Variants in FHIT observed in about 807,000 individuals in gnomAD.
The protein encoded by FHIT is fragile histidine triad diadenosine triphosphatase.
FHIT carries 19 observed loss-of-function variants against 17.9 expected under a neutral mutation model. The ratio of observed to expected loss-of-function variants is 1.06; its 90% CI spans 0.74 to 1.56. The LOEUF (loss-of-function observed/expected upper bound fraction) is 1.56. Ranked by LOEUF, FHIT falls within the 40% of genes most tolerant of loss-of-function variation. FHIT has a pLI of 0.00. For synonymous variants in FHIT, 81 were observed against 69.7 expected, an observed-to-expected ratio of 1.16 and a Z score of -0.81; for missense variants, 248 against 189.2, an observed-to-expected ratio of 1.31 and a Z score of -1.82.
At chr3:60,079,208 A>G (rs994863768) in intron 5 of FHIT, among the ~76,000 whole-genome samples, 3 of 152,092 alleles carry the variant, frequency 2.0e-5, no homozygotes, top group African/African-American at 7.2e-5. Context: ...TACTGTCTGA[A>G]AGCAGTTTGG....
chr3:61,043,217 G>A (rs1460766701), intron 2 of FHIT, among the ~76,000 whole-genome samples: 1 of 152,144 alleles, frequency 6.6e-6, no homozygotes, highest in Non-Finnish European at 1.5e-5. Flanking sequence ...GGGAAGCTGT[G>A]ACAAATGGTA....
rs185996041 is a variant in FHIT at position 61,134,593 on chromosome 3, A to G, written c.-164+66024T>C. ...GGGCAGAGTCCTAGAAGTATCAAGA[A>G]GACAGAAAATTTTAGGGTTGTCATG... On this transcript the variant is annotated intron_variant, in intron 2 of 9. Coordinates refer to ENST00000492590, the MANE Select transcript of FHIT (RefSeq NM_002012.4). Among the ~76,000 whole-genome samples the G allele has an allele frequency of 4.6e-5, 7 of 152,310 alleles. No individual in the cohort carries two copies. The East Asian group carries it at 1.4e-3, about 29-fold the overall frequency.
chr3:60,162,776 T>C (rs948506644), intron 5 of FHIT, among the ~76,000 whole-genome samples: 5 of 152,182 alleles, frequency 3.3e-5, no homozygotes, highest in African/African-American at 9.6e-5. Flanking sequence ...CTCCTACCTA[T>C]AAACTTCTAA....
chr3:61,041,924 A>G (rs2033537059), intron 3 of FHIT, 123 bp downstream of exon 3: 1 of 152,238 alleles, frequency 6.6e-6, no homozygotes, highest in South Asian at 2.1e-4. Flanking sequence ...TGTTTACCAA[A>G]AATTCATATA....
At chr3:60,773,400 A>C (rs1700112156) in intron 4 of FHIT, among the ~76,000 whole-genome samples, 1 of 152,208 alleles carries the variant, frequency 6.6e-6, no homozygotes, top group Admixed American at 6.5e-5. Context: ...GATACCCGTC[A>C]ATGCAATTTT....
chr3:60,469,853 G>C (rs140899592), intron 5 of FHIT, among the ~76,000 whole-genome samples: 1 of 152,096 alleles, frequency 6.6e-6, no homozygotes, highest in African/African-American at 2.4e-5. Flanking sequence ...CACTTTACCC[G>C]TTTCTACTTT....
chr3:60,717,282 G>A (rs902971515), intron 4 of FHIT, among the ~76,000 whole-genome samples: 21 of 151,906 alleles, frequency 1.4e-4, no homozygotes, highest in Admixed American at 1.4e-3. Context: ...TTGGTAAGAG[G>A]TTAGATCTTA....
chr3:60,347,469 G>T (rs1326552379), intron 5 of FHIT, among the ~76,000 whole-genome samples: 1 of 152,056 alleles, frequency 6.6e-6, no homozygotes. Flanking sequence ...CATCAACTTA[G>T]CAAGTGCTGG....
At chr3:60,712,574 G>A (rs1380149847) in intron 4 of FHIT, among the ~76,000 whole-genome samples, 1 of 151,934 alleles carries the variant, frequency 6.6e-6, no homozygotes, top group Non-Finnish European at 1.5e-5. Context: ...ATAAAGGGAT[G>A]GAGGAAGATC....
At chr3:59,932,025 C>T (rs1217278779) in intron 7 of FHIT, among the ~76,000 whole-genome samples, 1 of 152,044 alleles carries the variant, frequency 6.6e-6, no homozygotes, top group Non-Finnish European at 1.5e-5. Context: ...TGTCACTGAA[C>T]TCTGAGAGCC....
intron 5 of FHIT, among the ~76,000 whole-genome samples, chr3:60,249,164 AAACTCT>A (rs1261691194): frequency 6.6e-6 from 1 of 152,132 alleles, no homozygotes; most frequent in Non-Finnish European, 1.5e-5. Context: ...CCCAGCCAAA[AAACTCT>A]AACAAGGCAG....
intron 5 of FHIT, among the ~76,000 whole-genome samples, chr3:60,436,106 G>A (rs114290968): frequency 0.017 from 2,535 of 152,046 alleles, 76 homozygotes; most frequent in African/African-American, 0.056. Context: ...GCAGTAGCAC[G>A]ATCTTGGCTC....
intron 8 of FHIT, among the ~76,000 whole-genome samples, chr3:59,879,334 G>A (rs1703301835): frequency 6.6e-6 from 1 of 152,104 alleles, no homozygotes; most frequent in South Asian, 2.1e-4. Context: ...AGGATACATT[G>A]ATATTTCTCA....
intron 5 of FHIT, among the ~76,000 whole-genome samples, chr3:60,197,670 G>C (rs1322300949): frequency 6.6e-6 from 1 of 152,140 alleles, no homozygotes; most frequent in Non-Finnish European, 1.5e-5. Flanking sequence ...GTACTTCCGA[G>C]GTTGTTCAAT....
chr3:60,807,838 C>CCA (rs1701449386), intron 4 of FHIT, among the ~76,000 whole-genome samples: 1 of 117,512 alleles, frequency 8.5e-6, no homozygotes. Flanking sequence ...GCAAATTTTA[C>CCA]TAAAAAAAAA....
intron 4 of FHIT, among the ~76,000 whole-genome samples, chr3:60,675,240 A>C (rs1440381584): frequency 6.6e-6 from 1 of 152,224 alleles, no homozygotes; most frequent in Non-Finnish European, 1.5e-5. Context: ...CTTGAAAACT[A>C]AAATGCTTTA....
chr3:60,584,036 G>C (rs2037828893), intron 4 of FHIT, among the ~76,000 whole-genome samples: 1 of 152,070 alleles, frequency 6.6e-6, no homozygotes, highest in Admixed American at 6.6e-5. Flanking sequence ...GAGCCTCCAA[G>C]CTCCTCACAG....
intron 8 of FHIT, among the ~76,000 whole-genome samples, chr3:59,915,271 TGA>T (rs1705078496): frequency 6.6e-6 from 1 of 152,180 alleles, no homozygotes; most frequent in African/African-American, 2.4e-5. Flanking sequence ...CGTGAAATAA[TGA>T]GAGAGGACCA....
chr3:60,043,957 G>C (rs192143005), intron 5 of FHIT, among the ~76,000 whole-genome samples: 12 of 152,302 alleles, frequency 7.9e-5, no homozygotes, highest in Admixed American at 7.8e-4. Context: ...GGCCAACGTG[G>C]TGAGTGATAT....
Sources: gnomAD v4.1 joint callset for allele counts (sites outside exome capture counted in the v4.1 genomes callset) on GRCh38, gnomAD v4.1.1 for gene constraint, MANE v1.5 for transcripts, NCBI Gene and HGNC (gene_info 2026-07-23, HGNC 2026-07-21) for gene names.